The following SLC44A3 variants were observed in gnomAD, a reference collection of about 807,000 sequenced individuals.
SLC44A3 encodes the protein solute carrier family 44 member 3.
SLC44A3 carries 74 observed loss-of-function variants against 75.4 expected under a neutral mutation model. The ratio of observed to expected loss-of-function variants is 0.98; its 90% CI spans 0.81 to 1.19. The LOEUF (loss-of-function observed/expected upper bound fraction) is 1.19, where lower values mean the gene tolerates loss of function less well. Among genes scored for constraint, SLC44A3 ranks in the 50% most tolerant of loss-of-function variants. The pLI is 0.00. For synonymous variants in SLC44A3, 310 were observed against 296.9 expected, an observed-to-expected ratio of 1.04 and a Z score of -0.45; for missense variants, 700 against 778.6, an observed-to-expected ratio of 0.90 and a Z score of 1.20.
chr1:94,845,588 A>G, intron 9 of SLC44A3, 124 bp downstream of exon 9: 1 of 858,740 alleles, frequency 1.2e-6, no homozygotes, highest in Non-Finnish European at 1.7e-6. Context: ...TGATGACAGC[A>G]GCGTTGGTGC....
intron 10 of SLC44A3, among the ~76,000 whole-genome samples, chr1:94,864,263 T>C (rs859099): frequency 0.99 from 151,497 of 152,310 alleles, 75,351 homozygotes; most frequent in Middle Eastern, 1. Context: ...ACCCAGGGCT[T>C]TCTGTCCCTT....
Position 94,878,307 on chromosome 1 carries a change from T to C in SLC44A3, c.1482+10890T>C, listed in dbSNP as rs181525178. On this transcript the variant is annotated intron_variant, in intron 12 of 14. Coordinates refer to ENST00000271227, the MANE Select transcript of SLC44A3 (RefSeq NM_001114106.3). ...GGTTGGGGCCCAAAGAATGCGAGGC[T>C]CCTGACCTCGCTTAGTGCCCTGTCC... Among the ~76,000 whole-genome samples the C allele has an allele frequency of 4.1e-3, 622 of 150,884 alleles. 6 individuals are homozygous for C. The highest frequency in any genetic ancestry group is 0.014 in the African/African-American group (563 of 41,176).
intron 9 of SLC44A3, among the ~76,000 whole-genome samples, chr1:94,846,917 C>G (rs1408392747): frequency 6.6e-6 from 1 of 152,228 alleles, no homozygotes; most frequent in Non-Finnish European, 1.5e-5. Context: ...TCCTTCTCCT[C>G]TGGAGCTAAC....
intron 10 of SLC44A3, among the ~76,000 whole-genome samples, chr1:94,857,942 T>C (rs538171871): frequency 2.1e-4 from 32 of 151,358 alleles, no homozygotes; most frequent in African/African-American, 7.0e-4. Context: ...GCCTCCCAAG[T>C]AGCTGGGACT....
intron 10 of SLC44A3, among the ~76,000 whole-genome samples, chr1:94,862,348 G>A (rs924584199): frequency 2.0e-5 from 3 of 152,140 alleles, no homozygotes; most frequent in East Asian, 3.8e-4. Context: ...TAGTGAGCAC[G>A]AGGCTGGATC....
At position 94,891,225 on chromosome 1, in the gene SLC44A3, A is replaced by G. The variant is rs1398471630; in HGVS notation, c.1578A>G (p.Thr526=). Residue 526 remains threonine (T), a synonymous_variant, in exon 13 of 15, where the codon ACA becomes ACG. Coordinates refer to ENST00000271227, the MANE Select transcript of SLC44A3 (RefSeq NM_001114106.3). The part of the protein sequence containing the change: ...KILSKNSSHF[T]SINCFGDFII... The stretch of plus-strand genomic sequence containing the variant: ...TGTCCAAGAACTCAAGTCACTTTAC[A>G]TCTATTAACTGCTTTGGAGACTTCA... 7.4e-6 allele frequency: 12 copies of G among 1,613,434 alleles called. No individual in the cohort carries two copies. In the Admixed American group the frequency reaches 1.0e-4, roughly 13 times the overall value.
intron 8 of SLC44A3, among the ~76,000 whole-genome samples, chr1:94,844,331 G>A (rs1205420086): frequency 1.3e-5 from 2 of 152,150 alleles, no homozygotes; most frequent in Non-Finnish European, 1.5e-5. Context: ...GGACATCCAC[G>A]GCCTTGTCAA....
In SLC44A3 at chr1:94,867,707, T is replaced by C. The variant is rs1224658695; in HGVS notation, c.1482+290T>C. The stretch of plus-strand genomic sequence containing the variant: ...TTTACATGTCAAGAAATTTTCTTTT[T>C]TTGATTTTGATTTTTTCTCAACCAT... On this transcript the variant is annotated intron_variant, in intron 12 of 14. Coordinates refer to ENST00000271227, the MANE Select transcript of SLC44A3 (RefSeq NM_001114106.3). 3.5e-5 allele frequency among the ~76,000 whole-genome samples: 5 copies of C among 143,782 alleles called. No individual in the cohort carries two copies. In the South Asian group the frequency reaches 9.1e-4, roughly 26 times the overall value. 94.3% of individuals were successfully genotyped at this position (143,782 alleles called of 152,430 possible).
At position 94,894,857 on chromosome 1, in the gene SLC44A3, G is replaced by C; in HGVS notation, c.1897G>C (p.Ala633Pro). 6.2e-7 allele frequency: 1 copy of C among 1,612,280 alleles called. No homozygotes were observed. Among genetic ancestry groups the C allele is most frequent in the East Asian group, 2.2e-5 (1 of 44,760 alleles). The change falls in exon 15 of 15, where the codon GCA becomes CCA. Residue 633 changes from alanine to proline, a missense_variant. By Grantham distance (27) the Ala-to-Pro change is conservative. Transcript: ENST00000271227. Reference protein sequence around the residue: ...KRSNKLNNARAQQDKHSLRNE... With the variant: ...KRSNKLNNARPQQDKHSLRNE... Reference sequence around the variant, plus strand: ...GAGCAACAAATTAAACAATGCAAGGGCACAGCAGGACAAGCACTCATTAAG... The same window carrying C: ...GAGCAACAAATTAAACAATGCAAGGCCACAGCAGGACAAGCACTCATTAAG...
intron 4 of SLC44A3, among the ~76,000 whole-genome samples, chr1:94,827,856 G>C (rs1661578847): frequency 6.6e-6 from 1 of 152,102 alleles, no homozygotes; most frequent in South Asian, 2.1e-4. Context: ...TGAAGCCCTA[G>C]CTATTCCGTG....
chr1:94,875,858 C>A (rs1374225853), intron 12 of SLC44A3, among the ~76,000 whole-genome samples: 2 of 152,156 alleles, frequency 1.3e-5, no homozygotes, highest in African/African-American at 4.8e-5. Flanking sequence ...GTTCTTTGTG[C>A]CTTCCTGTCA....
chr1:94,863,708 A>G (rs1450835187), intron 10 of SLC44A3, among the ~76,000 whole-genome samples: 1 of 152,130 alleles, frequency 6.6e-6, no homozygotes, highest in Non-Finnish European at 1.5e-5. Flanking sequence ...TTTGTGGGAC[A>G]ACTGGGTTGC....
chr1:94,874,796 C>T (rs1259762974), intron 12 of SLC44A3, among the ~76,000 whole-genome samples: 1 of 152,160 alleles, frequency 6.6e-6, no homozygotes, highest in Non-Finnish European at 1.5e-5. Context: ...GTTCAGAGAG[C>T]TTAAGTAGTA....
chr1:94,831,007 T>C (rs567909159), intron 5 of SLC44A3, among the ~76,000 whole-genome samples: 98 of 152,302 alleles, frequency 6.4e-4, no homozygotes, highest in African/African-American at 2.1e-3. Flanking sequence ...AGTTCATACA[T>C]CCAGCAAATG....
chr1:94,836,913 CAAAAAAAAA>C (rs56149444), intron 5 of SLC44A3: 95 of 124,254 alleles, frequency 7.6e-4, no homozygotes, highest in African/African-American at 1.3e-3. Context: ...CCTGTCTCAA[CAAAAAAAAA>C]AAAAAAAAAA....
intron 9 of SLC44A3, among the ~76,000 whole-genome samples, chr1:94,848,109 G>A (rs904100831): frequency 2.6e-5 from 4 of 152,062 alleles, no homozygotes; most frequent in Admixed American, 6.5e-5. Context: ...GGCGCCTATA[G>A]TCCCAGCTAC....
chr1:94,847,296 C>T (rs183139040), intron 9 of SLC44A3, among the ~76,000 whole-genome samples: 1 of 152,204 alleles, frequency 6.6e-6, no homozygotes, highest in Non-Finnish European at 1.5e-5. Flanking sequence ...TCTGCCCTTG[C>T]TTCCACCTCA....
In SLC44A3 at chr1:94,825,878, C is replaced by T. The variant is rs114868826; in HGVS notation, c.278+1243C>T. The T allele has an allele frequency of 3.4e-3, 1,534 of 456,218 alleles. 6 individuals carry two copies. The highest frequency in any genetic ancestry group is 8.8e-3 in the African/African-American group (442 of 50,164). 28.3% of individuals were successfully genotyped at this position (456,218 alleles called of 1,614,324 possible). ...GGAGGAGGAAGGGCGACTTAGATGC[C>T]CATGTGCTCCCATTTCACATTGTGT... On this transcript the variant is annotated intron_variant, in intron 3 of 14. Transcript: ENST00000271227.
At chr1:94,848,228 CAA>C (rs11372681) in intron 9 of SLC44A3, among the ~76,000 whole-genome samples, 6 of 139,022 alleles carry the variant, frequency 4.3e-5, no homozygotes, top group Admixed American at 7.1e-5. Flanking sequence ...GACTCTGTCT[CAA>C]AAAAAAAAAA....
Sources: allele counts gnomAD v4.1 joint callset (sites outside exome capture counted in the v4.1 genomes callset), GRCh38; gene constraint gnomAD v4.1.1; transcripts MANE v1.5; gene names NCBI Gene and HGNC (gene_info 2026-07-23, HGNC 2026-07-21).